MED27: variants seen among roughly 807,000 people sequenced by gnomAD.
MED27 encodes the protein mediator complex subunit 27.
MED27 carries 30 observed loss-of-function variants against 38.2 expected under a neutral mutation model. That is an observed-to-expected ratio of 0.79 (90% CI 0.59 to 1.07). The LOEUF is 1.07. Ranked by LOEUF, MED27 falls within the 50% of genes least tolerant of loss-of-function variation. MED27 has a pLI of 0.00. For missense variants in MED27, 289 were observed against 397.5 expected, an observed-to-expected ratio of 0.73 and a Z score of 2.32; for synonymous variants, 122 against 153.5, an observed-to-expected ratio of 0.79 and a Z score of 1.52.
rs144420414 is a variant in MED27 at position 131,967,818 on chromosome 9, A to ATT, written c.480-28346_480-28345dup. 1.9e-3 allele frequency among the ~76,000 whole-genome samples: 212 copies of ATT among 112,900 alleles called. 1 individual carries two copies. The highest frequency in any genetic ancestry group is 6.8e-3 in the Middle Eastern group (1 of 146). The allele number at this position is 112,900 out of a possible 152,430, so 74.1% of individuals were successfully genotyped here. On this transcript the variant is annotated intron_variant, in intron 3 of 7. Transcript: ENST00000292035. The stretch of plus-strand genomic sequence containing the variant: ...GAGCCACTGTGCCCAGCCTCTCATG[A>ATT]TTTTTTTTTTTTTTTTTTGAGACGG...
At chr9:131,952,874 C>T (rs1831027117) in intron 3 of MED27, among the ~76,000 whole-genome samples, 1 of 152,230 alleles carries the variant, frequency 6.6e-6, no homozygotes, top group Non-Finnish European at 1.5e-5. Flanking sequence ...CTGCCCACAC[C>T]TTTGGAAACA....
intron 3 of MED27, among the ~76,000 whole-genome samples, chr9:131,971,697 G>A (rs1293292546): frequency 1.3e-5 from 2 of 152,100 alleles, no homozygotes; most frequent in Non-Finnish European, 2.9e-5. Context: ...ATTGCTTGTG[G>A]GCTAGACTGG....
chr9:131,960,957 A>C (rs757766172), intron 3 of MED27, among the ~76,000 whole-genome samples: 1 of 152,208 alleles, frequency 6.6e-6, no homozygotes, highest in Non-Finnish European at 1.5e-5. Flanking sequence ...CTAGCAGAGG[A>C]GAGGCTGCCA....
At chr9:132,009,997 T>G (rs1015247888) in intron 3 of MED27, among the ~76,000 whole-genome samples, 37 of 152,328 alleles carry the variant, frequency 2.4e-4, no homozygotes, top group African/African-American at 7.2e-4. Context: ...TTGCAAAAAT[T>G]TTCTCCCATT....
chr9:131,908,027 G>C (rs1279788775), intron 4 of MED27, among the ~76,000 whole-genome samples: 3 of 148,872 alleles, frequency 2.0e-5, no homozygotes, highest in Non-Finnish European at 4.5e-5. Context: ...CCCGGCAGCC[G>C]CCCCGTCTGA....
chr9:131,934,975 C>T (rs549507969), intron 4 of MED27, among the ~76,000 whole-genome samples: 5 of 152,072 alleles, frequency 3.3e-5, no homozygotes, highest in South Asian at 2.1e-4. Context: ...AGATAAACTT[C>T]GTTATGTTCT....
chr9:131,935,100 G>A (rs1009111539), intron 4 of MED27, among the ~76,000 whole-genome samples: 2 of 152,048 alleles, frequency 1.3e-5, no homozygotes, highest in African/African-American at 4.8e-5. Flanking sequence ...CAGGATAGTG[G>A]GGATGTTTAA....
At chr9:131,904,540 G>GA (rs63697360) in intron 4 of MED27, among the ~76,000 whole-genome samples, 1 of 150,822 alleles carries the variant, frequency 6.6e-6, no homozygotes, top group African/African-American at 2.4e-5. Flanking sequence ...AATAGAGATC[G>GA]GGGGGGAGCG....
At chr9:131,879,872 A>AGAATCTT (rs1839005310) in intron 6 of MED27, among the ~76,000 whole-genome samples, 2 of 152,256 alleles carry the variant, frequency 1.3e-5, no homozygotes, top group Admixed American at 6.5e-5. Context: ...GGAGGAAAAT[A>AGAATCTT]GAATCTTGAG....
chr9:132,039,541 C>T (rs149675204), intron 2 of MED27, among the ~76,000 whole-genome samples: 3 of 152,250 alleles, frequency 2.0e-5, no homozygotes, highest in Non-Finnish European at 2.9e-5. Flanking sequence ...AGGTACTGAG[C>T]GAAAAGAAGG....
At chr9:131,881,797 CTTCTTTTTTTTT>C (rs1188500351) in intron 6 of MED27, among the ~76,000 whole-genome samples, 1 of 53,780 alleles carries the variant, frequency 1.9e-5, no homozygotes, top group Non-Finnish European at 4.7e-5. Flanking sequence ...CCTTCTTCTT[CTTCTTTTTTTTT>C]TTTTTTTTTT....
At chr9:131,892,264 A>G (rs1394710592) in intron 5 of MED27, among the ~76,000 whole-genome samples, 1 of 152,078 alleles carries the variant, frequency 6.6e-6, no homozygotes, top group Non-Finnish European at 1.5e-5. Flanking sequence ...TACCTCTGAG[A>G]CTCTATATTT....
intron 2 of MED27, among the ~76,000 whole-genome samples, chr9:132,070,708 T>C (rs1833917602): frequency 6.8e-6 from 1 of 147,050 alleles, no homozygotes; most frequent in Non-Finnish European, 1.5e-5. Flanking sequence ...GGGCAGAATA[T>C]GCCCTTCTCA....
chr9:132,038,536 C>G (rs1833134339), intron 2 of MED27, among the ~76,000 whole-genome samples: 1 of 152,194 alleles, frequency 6.6e-6, no homozygotes, highest in South Asian at 2.1e-4. Context: ...CTGAAATAAA[C>G]AAAGGCTACT....
chr9:132,035,363 C>T (rs1833050754), intron 2 of MED27, among the ~76,000 whole-genome samples: 1 of 152,196 alleles, frequency 6.6e-6, no homozygotes, highest in Non-Finnish European at 1.5e-5. Context: ...ACAAACAAAA[C>T]AGACAGACAT....
At chr9:131,978,908 T>C (rs1831671873) in intron 3 of MED27, among the ~76,000 whole-genome samples, 1 of 152,244 alleles carries the variant, frequency 6.6e-6, no homozygotes, top group Non-Finnish European at 1.5e-5. Flanking sequence ...GTCTATAATA[T>C]GGCTAGATCA....
chr9:131,939,900 CTTTTTTTTTT>C (rs545565196), intron 3 of MED27, among the ~76,000 whole-genome samples: 3 of 136,168 alleles, frequency 2.2e-5, no homozygotes, highest in African/African-American at 5.4e-5. Context: ...AAATTCCTTC[CTTTTTTTTTT>C]TTTTTTTTTT....
At chr9:132,004,852 C>T (rs1193688305) in intron 3 of MED27, among the ~76,000 whole-genome samples, 2 of 152,288 alleles carry the variant, frequency 1.3e-5, no homozygotes, top group East Asian at 3.9e-4. Context: ...GAGGAACGAG[C>T]CTTCAGGACT....
intron 5 of MED27, among the ~76,000 whole-genome samples, chr9:131,891,553 A>G (rs779175369): frequency 6.6e-6 from 1 of 152,238 alleles, no homozygotes; most frequent in Non-Finnish European, 1.5e-5. Flanking sequence ...TGGTTTCCAC[A>G]GTAAAGAAAC....
Sources: gnomAD v4.1 joint callset for allele counts (sites outside exome capture counted in the v4.1 genomes callset) on GRCh38, gnomAD v4.1.1 for gene constraint, MANE v1.5 for transcripts, NCBI Gene and HGNC (gene_info 2026-07-23, HGNC 2026-07-21) for gene names.